ADCY2: variants seen among roughly 807,000 people sequenced by gnomAD.
The protein encoded by ADCY2 is adenylate cyclase 2, also known as adenylate cyclase type 2.
A neutral mutation model predicts 125.2 loss-of-function variants in ADCY2; 31 were observed. The observed-to-expected ratio is 0.25, with a 90% CI of 0.19 to 0.33. The LOEUF is 0.33. Ranked by LOEUF, ADCY2 falls within the 10% of genes least tolerant of loss-of-function variation. ADCY2 has a pLI of 1.00. For synonymous variants in ADCY2, 512 were observed against 548.4 expected (o/e 0.93, Z 0.93); for missense variants, 904 against 1,418.2 (o/e 0.64, Z 5.82).
At chr5:7,596,657 G>A (rs189271451) in intron 3 of ADCY2, among the ~76,000 whole-genome samples, 115 of 152,232 alleles carry the variant, frequency 7.6e-4, no homozygotes, top group African/African-American at 2.4e-3. Context: ...AGTTAAACCC[G>A]TTAAGTGAAT....
intron 2 of ADCY2, among the ~76,000 whole-genome samples, chr5:7,457,492 T>C (rs986737522): frequency 2.0e-5 from 3 of 152,132 alleles, no homozygotes; most frequent in African/African-American, 7.2e-5. Flanking sequence ...ATTCAAGGCC[T>C]CAGAAGCCAC....
At chr5:7,688,659 G>A (rs1740610597) in intron 4 of ADCY2, among the ~76,000 whole-genome samples, 1 of 152,072 alleles carries the variant, frequency 6.6e-6, no homozygotes. Context: ...TACATACTTT[G>A]TATGTAATAT....
chr5:7,575,082 T>C (rs1391411228), intron 3 of ADCY2, among the ~76,000 whole-genome samples: 2 of 152,064 alleles, frequency 1.3e-5, no homozygotes, highest in African/African-American at 2.4e-5. Flanking sequence ...TCCCAGAACT[T>C]TGGGAGGCTG....
At chr5:7,591,579 G>A (rs528252082) in intron 3 of ADCY2, among the ~76,000 whole-genome samples, 22 of 152,042 alleles carry the variant, frequency 1.4e-4, no homozygotes, top group African/African-American at 5.1e-4. Flanking sequence ...TGATCATGTC[G>A]ATGGTTATAC....
intron 3 of ADCY2, among the ~76,000 whole-genome samples, chr5:7,531,782 C>A (rs1734653855): frequency 1.3e-5 from 2 of 152,206 alleles, no homozygotes; most frequent in African/African-American, 4.8e-5. Flanking sequence ...GATCTCATTG[C>A]AGCATACTTA....
rs149391909 is a variant in ADCY2, at chr5:7,630,788, C to CTTT, written c.720+4486_720+4488dup. On this transcript the variant is annotated intron_variant, in intron 4 of 24. Transcript: ENST00000338316. ...TTGCTTTCTCTCTCTCTCTCCTTGT[C>CTTT]TTTTTTTTTTTTTTTTGAGATGCAG... 5.1e-4 allele frequency among the ~76,000 whole-genome samples: 67 copies of CTTT among 132,204 alleles called. 2 individuals are homozygous for CTTT. Among genetic ancestry groups the CTTT allele is most frequent in the African/African-American group, 1.9e-3 (63 of 33,906 alleles). 86.7% of individuals were successfully genotyped at this position (132,204 alleles called of 152,430 possible).
intron 3 of ADCY2, among the ~76,000 whole-genome samples, chr5:7,541,691 G>A (rs959968403): frequency 1.3e-5 from 2 of 152,172 alleles, no homozygotes; most frequent in Admixed American, 1.3e-4. Context: ...GTTGGGTGAC[G>A]GAGGAGAGGC....
At chr5:7,505,277 C>G (rs1206706114) in intron 2 of ADCY2, among the ~76,000 whole-genome samples, 1 of 152,186 alleles carries the variant, frequency 6.6e-6, no homozygotes, top group East Asian at 1.9e-4. Flanking sequence ...TTTTAAATAG[C>G]ATGGTACATG....
intron 14 of ADCY2, among the ~76,000 whole-genome samples, chr5:7,731,068 T>C (rs1277085033): frequency 6.6e-6 from 1 of 151,760 alleles, no homozygotes; most frequent in Non-Finnish European, 1.5e-5. Context: ...TCATGTTTCC[T>C]GCCAGTTTCC....
chr5:7,437,140 G>T (rs1396351964), intron 2 of ADCY2, among the ~76,000 whole-genome samples: 1 of 152,208 alleles, frequency 6.6e-6, no homozygotes, highest in Admixed American at 6.5e-5. Context: ...ATTACAATGT[G>T]CTGGACAGGA....
At chr5:7,428,280 C>G (rs1740462222) in intron 2 of ADCY2, among the ~76,000 whole-genome samples, 1 of 152,180 alleles carries the variant, frequency 6.6e-6, no homozygotes, top group African/African-American at 2.4e-5. Context: ...ATGCTGCCTA[C>G]CTCAGAGAGA....
In ADCY2 at chr5:7,420,317, G is replaced by A. The variant is rs372495021; in HGVS notation, c.408+5547G>A. Among the ~76,000 whole-genome samples, 5 of 152,170 alleles carry A rather than the reference G, an allele frequency of 3.3e-5. No homozygotes were observed. In the East Asian group the frequency reaches 5.8e-4, roughly 18 times the overall value. ...GAGCAGAACTGTATGAAGTTGCCAC[G>A]GCACGACTGAAGAGTGATGTTGGCA... On this transcript the variant is annotated intron_variant, in intron 2 of 24. Coordinates refer to ENST00000338316, the MANE Select transcript of ADCY2 (RefSeq NM_020546.3).
chr5:7,811,465 C>T (rs955010599), intron 22 of ADCY2, among the ~76,000 whole-genome samples: 2 of 150,232 alleles, frequency 1.3e-5, no homozygotes, highest in Non-Finnish European at 2.9e-5. Flanking sequence ...TCCGCCACTG[C>T]ACTCCAGCCT....
intron 3 of ADCY2, among the ~76,000 whole-genome samples, chr5:7,594,453 C>T (rs967894691): frequency 3.3e-5 from 5 of 152,146 alleles, no homozygotes; most frequent in African/African-American, 9.7e-5. Flanking sequence ...AAATACCATT[C>T]GAGAGAAAGC....
chr5:7,600,599 G>A (rs1339159135), intron 3 of ADCY2, among the ~76,000 whole-genome samples: 2 of 152,182 alleles, frequency 1.3e-5, no homozygotes, highest in Non-Finnish European at 2.9e-5. Context: ...GCTGAGATTG[G>A]AGACCATGAG....
intron 3 of ADCY2, among the ~76,000 whole-genome samples, chr5:7,550,356 T>C (rs1406687928): frequency 6.6e-6 from 1 of 152,184 alleles, no homozygotes; most frequent in African/African-American, 2.4e-5. Flanking sequence ...TCCCCAGAAG[T>C]ATCATTAAAG....
At chr5:7,416,315 G>A (rs1323204638) in intron 2 of ADCY2, among the ~76,000 whole-genome samples, 3 of 152,144 alleles carry the variant, frequency 2.0e-5, no homozygotes, top group African/African-American at 7.2e-5. Flanking sequence ...ACAAGACCCG[G>A]CGGGCGCCAT....
intron 4 of ADCY2, among the ~76,000 whole-genome samples, chr5:7,689,684 C>A (rs924470376): frequency 6.6e-6 from 1 of 151,982 alleles, no homozygotes; most frequent in African/African-American, 2.4e-5. Flanking sequence ...ATCCGAGCTT[C>A]CCCTCCTCCC....
In ADCY2 at chr5:7,665,173, A is replaced by C. The variant is rs541032420; in HGVS notation, c.721-25518A>C. On this transcript the variant is annotated intron_variant, in intron 4 of 24. Transcript: ENST00000338316. ...GGCCATGGTCACTCATATTTGGCTC[A>C]GAATAAGTCTCTTCAAATATTTTAC... Among the ~76,000 whole-genome samples the C allele has an allele frequency of 5.3e-5, 8 of 152,290 alleles. No homozygotes were observed. In the East Asian group the frequency reaches 1.5e-3, roughly 29 times the overall value.
Sources: gnomAD v4.1 joint callset for allele counts (sites outside exome capture counted in the v4.1 genomes callset) on GRCh38, gnomAD v4.1.1 for gene constraint, MANE v1.5 for transcripts, NCBI Gene and HGNC (gene_info 2026-07-23, HGNC 2026-07-21) for gene names.